Variants in B3GALT1 observed in about 807,000 individuals in gnomAD.
B3GALT1 encodes beta-1,3-galactosyltransferase 1, also known as UDP-Gal:betaGlcNAc beta 1,3-galactosyltransferase, polypeptide 1.
Under a neutral mutation model 23.2 loss-of-function variants are expected in B3GALT1, and 10 were observed. That is an observed-to-expected ratio of 0.43 (90% CI 0.27 to 0.73). The LOEUF (loss-of-function observed/expected upper bound fraction) is 0.73, where lower values mean the gene tolerates loss of function less well. Ranked by LOEUF, B3GALT1 falls within the 30% of genes least tolerant of loss-of-function variation. The probability of loss-of-function intolerance (pLI) is 0.21; values close to 1 mark genes in which losing one functional copy is unlikely to be tolerated. For synonymous variants in B3GALT1, 156 were observed against 141.5 expected (o/e 1.10, Z -0.73); for missense variants, 299 against 405.4 (o/e 0.74, Z 2.25).
chr2:167,832,417 A>G lies in B3GALT1; in HGVS notation c.-230+13624A>G, dbSNP rs1689371035. ...GAGGTGTACAAACCTCCCACTGTCAATCCCCCAGCAAAATGACACCATTAC... is the reference window on the plus strand; with the variant it reads ...GAGGTGTACAAACCTCCCACTGTCAGTCCCCCAGCAAAATGACACCATTAC... On this transcript the variant is annotated intron_variant, in intron 4 of 4. Transcript: ENST00000392690. Among the ~76,000 whole-genome samples the G allele has an allele frequency of 3.3e-5, 5 of 152,256 alleles. No homozygotes were observed. In the South Asian group the frequency reaches 1.0e-3, roughly 31 times the overall value.
At chr2:167,754,823 AAAAAC>A (rs1687792045) in intron 3 of B3GALT1, among the ~76,000 whole-genome samples, 2 of 152,214 alleles carry the variant, frequency 1.3e-5, no homozygotes, top group Non-Finnish European at 2.9e-5. Context: ...CTCAACACCA[AAAAAC>A]AAAATAAAAT....
At chr2:167,487,742 G>T (rs1699649947) in intron 1 of B3GALT1, among the ~76,000 whole-genome samples, 1 of 152,200 alleles carries the variant, frequency 6.6e-6, no homozygotes, top group Admixed American at 6.5e-5. Flanking sequence ...GTAGTAGTGA[G>T]GGGGATATAT....
chr2:167,368,646 A>G (rs879475295), intron 1 of B3GALT1, among the ~76,000 whole-genome samples: 1 of 152,236 alleles, frequency 6.6e-6, no homozygotes, highest in Non-Finnish European at 1.5e-5. Context: ...TAAGCAGATT[A>G]CAGAGAGGAA....
chr2:167,659,752 C>T (rs1384341628), intron 3 of B3GALT1, among the ~76,000 whole-genome samples: 1 of 151,974 alleles, frequency 6.6e-6, no homozygotes, highest in Non-Finnish European at 1.5e-5. Context: ...TGCAGGGAGA[C>T]ACTAATGTAG....
intron 3 of B3GALT1, among the ~76,000 whole-genome samples, chr2:167,763,203 C>A (rs1687922621): frequency 6.6e-6 from 1 of 151,962 alleles, no homozygotes; most frequent in Non-Finnish European, 1.5e-5. Flanking sequence ...ATCTGAAATG[C>A]CGCAAATGAA....
At chr2:167,472,028 T>C (rs1574093607) in intron 1 of B3GALT1, among the ~76,000 whole-genome samples, 1 of 152,206 alleles carries the variant, frequency 6.6e-6, no homozygotes, top group Non-Finnish European at 1.5e-5. Context: ...CTGTGGCTGG[T>C]TCCTCTTACA....
intron 4 of B3GALT1, among the ~76,000 whole-genome samples, chr2:167,842,689 C>G (rs1032449512): frequency 2.0e-5 from 3 of 151,966 alleles, no homozygotes; most frequent in Non-Finnish European, 4.4e-5. Flanking sequence ...GCCTGGGCAA[C>G]ATGACGAAAC....
chr2:167,833,885 C>T (rs375591343), intron 4 of B3GALT1, among the ~76,000 whole-genome samples: 5 of 152,118 alleles, frequency 3.3e-5, no homozygotes, highest in African/African-American at 1.2e-4. Flanking sequence ...GTACTGTTTA[C>T]ACCTAGAGTA....
At chr2:167,472,026 G>A (rs936551428) in intron 1 of B3GALT1, among the ~76,000 whole-genome samples, 2 of 152,090 alleles carry the variant, frequency 1.3e-5, no homozygotes, top group Non-Finnish European at 2.9e-5. Context: ...TTCTGTGGCT[G>A]GTTCCTCTTA....
chr2:167,308,704 C>T (rs1324092782), intron 1 of B3GALT1, among the ~76,000 whole-genome samples: 1 of 151,762 alleles, frequency 6.6e-6, no homozygotes, highest in Non-Finnish European at 1.5e-5. Flanking sequence ...TAGCTTTTTC[C>T]CCTTTTCTTT....
intron 2 of B3GALT1, among the ~76,000 whole-genome samples, chr2:167,529,168 C>T (rs1683274739): frequency 6.6e-6 from 1 of 152,092 alleles, no homozygotes; most frequent in Non-Finnish European, 1.5e-5. Flanking sequence ...CTGCCTATCT[C>T]CTGGAACACA....
rs915165784 is a variant in B3GALT1, at chr2:167,296,622, C to T, written c.-511+3288C>T. Among the ~76,000 whole-genome samples, 26 of 152,260 alleles carry T rather than the reference C, an allele frequency of 1.7e-4. No individual in the cohort carries two copies. The East Asian group carries it at 4.6e-3, about 27-fold the overall frequency. ...AATGTGCATCATAAAGGAATATTCT[C>T]GTTCTCTTTACTAATCTATTATTAT... On this transcript the variant is annotated intron_variant, in intron 1 of 4. Coordinates refer to ENST00000392690, the MANE Select transcript of B3GALT1 (RefSeq NM_020981.4).
chr2:167,374,039 A>C (rs761254632), intron 1 of B3GALT1, among the ~76,000 whole-genome samples: 1 of 152,124 alleles, frequency 6.6e-6, no homozygotes, highest in African/African-American at 2.4e-5. Flanking sequence ...AGTAGTCCCC[A>C]GTGTCTGTTA....
intron 3 of B3GALT1, among the ~76,000 whole-genome samples, chr2:167,756,146 C>G (rs1238446199): frequency 1.3e-5 from 2 of 152,084 alleles, no homozygotes; most frequent in Non-Finnish European, 2.9e-5. Flanking sequence ...CTTAAGAATC[C>G]TCCCCTAGTC....
At chr2:167,351,401 C>A (rs1453427007) in intron 1 of B3GALT1, among the ~76,000 whole-genome samples, 3 of 151,954 alleles carry the variant, frequency 2.0e-5, no homozygotes, top group African/African-American at 7.3e-5. Flanking sequence ...AGATGGTATT[C>A]CTGTAGTTTT....
intron 2 of B3GALT1, among the ~76,000 whole-genome samples, chr2:167,609,435 T>A (rs1685020494): frequency 1.3e-5 from 2 of 152,034 alleles, no homozygotes; most frequent in Non-Finnish European, 2.9e-5. Flanking sequence ...GAGCATAAGG[T>A]AGGGTGGGAC....
chr2:167,676,540 CACACACACACACACAT>C (rs1339274754), intron 3 of B3GALT1, among the ~76,000 whole-genome samples: 89 of 150,810 alleles, frequency 5.9e-4, no homozygotes, highest in African/African-American at 2.1e-3. Context: ...CACACACACA[CACACACACACACACAT>C]ATATATGTGT....
intron 1 of B3GALT1, among the ~76,000 whole-genome samples, chr2:167,384,722 G>A (rs889920652): frequency 6.6e-6 from 1 of 152,138 alleles, no homozygotes; most frequent in African/African-American, 2.4e-5. Context: ...CATAGCGTTT[G>A]CTCAGTATTC....
intron 1 of B3GALT1, among the ~76,000 whole-genome samples, chr2:167,479,959 G>A (rs1028818573): frequency 3.9e-5 from 6 of 152,078 alleles, no homozygotes; most frequent in Admixed American, 1.3e-4. Context: ...GCCCTCATGC[G>A]CTGAGTCTGC....
Sources: gnomAD v4.1 joint callset for allele counts (sites outside exome capture counted in the v4.1 genomes callset) on GRCh38, gnomAD v4.1.1 for gene constraint, MANE v1.5 for transcripts, NCBI Gene and HGNC (gene_info 2026-07-23, HGNC 2026-07-21) for gene names.